The following NPAS3 variants were observed in gnomAD, a reference collection of about 807,000 sequenced individuals.
NPAS3 encodes neuronal PAS domain protein 3, also known as neuronal PAS domain-containing protein 3.
Under a neutral mutation model 73.1 loss-of-function variants are expected in NPAS3, and 14 were observed. The ratio of observed to expected loss-of-function variants is 0.19; its 90% CI spans 0.13 to 0.30. The LOEUF is 0.30. Ranked by LOEUF, NPAS3 falls within the 10% of genes least tolerant of loss-of-function variation. The pLI, the probability that NPAS3 is intolerant of heterozygous loss-of-function variation, is 1.00. For synonymous variants in NPAS3, 620 were observed against 541.5 expected, an observed-to-expected ratio of 1.14 and a Z score of -2.01; for missense variants, 1,096 against 1,250.0, an observed-to-expected ratio of 0.88 and a Z score of 1.86.
chr14:33,339,321 G>A (rs1424447222), intron 3 of NPAS3, among the ~76,000 whole-genome samples: 1 of 152,062 alleles, frequency 6.6e-6, no homozygotes, highest in Non-Finnish European at 1.5e-5. Context: ...TTCTGGGGGT[G>A]ATCTGTTTTA....
At chr14:33,542,738 C>T (rs1003417193) in intron 4 of NPAS3, among the ~76,000 whole-genome samples, 1 of 152,152 alleles carries the variant, frequency 6.6e-6, no homozygotes, top group Non-Finnish European at 1.5e-5. Context: ...CCCGTGTAAA[C>T]AAAGAACTGG....
chr14:33,493,240 A>G (rs1357712855), intron 4 of NPAS3, among the ~76,000 whole-genome samples: 1 of 151,118 alleles, frequency 6.6e-6, no homozygotes, highest in African/African-American at 2.4e-5. Flanking sequence ...TCTCTCACAC[A>G]TTGATAAAAC....
At chr14:33,004,049 A>G (rs1195087994) in intron 1 of NPAS3, among the ~76,000 whole-genome samples, 1 of 152,198 alleles carries the variant, frequency 6.6e-6, no homozygotes, top group Non-Finnish European at 1.5e-5. Flanking sequence ...AATCTGTAAA[A>G]TGGGAGTTAT....
intron 3 of NPAS3, among the ~76,000 whole-genome samples, chr14:33,354,832 C>T (rs7156181): frequency 0.28 from 42,893 of 152,092 alleles, 6,138 homozygotes; most frequent in Middle Eastern, 0.33. Context: ...AATTGAACCC[C>T]TCTCTACGGT....
At chr14:33,437,863 C>A (rs1245206445) in intron 4 of NPAS3, among the ~76,000 whole-genome samples, 1 of 152,162 alleles carries the variant, frequency 6.6e-6, no homozygotes, top group Non-Finnish European at 1.5e-5. Flanking sequence ...GGAGAATTTG[C>A]CAGCCTCTCA....
At chr14:33,131,235 A>T (rs1199105485) in intron 2 of NPAS3, among the ~76,000 whole-genome samples, 1 of 152,172 alleles carries the variant, frequency 6.6e-6, no homozygotes, top group Non-Finnish European at 1.5e-5. Context: ...TGAAACAGTC[A>T]TTAGGTCATC....
chr14:33,186,927 G>T (rs984948374), intron 2 of NPAS3, among the ~76,000 whole-genome samples: 1 of 152,124 alleles, frequency 6.6e-6, no homozygotes, highest in African/African-American at 2.4e-5. Flanking sequence ...AGCCTGGCAT[G>T]CTGCTAAACA....
intron 1 of NPAS3, among the ~76,000 whole-genome samples, chr14:32,983,357 A>G (rs2037975984): frequency 6.6e-6 from 1 of 152,124 alleles, no homozygotes; most frequent in African/African-American, 2.4e-5. Flanking sequence ...TGCATGCTTT[A>G]TATTGATGGA....
At chr14:32,953,337 GT>G (rs1269604576) in intron 1 of NPAS3, among the ~76,000 whole-genome samples, 3 of 152,000 alleles carry the variant, frequency 2.0e-5, no homozygotes, top group African/African-American at 7.2e-5. Context: ...ACTAAGTGTT[GT>G]TTCAAGGATA....
chr14:33,029,108 G>T (rs956700824), intron 1 of NPAS3, among the ~76,000 whole-genome samples: 6 of 152,258 alleles, frequency 3.9e-5, no homozygotes, highest in African/African-American at 1.2e-4. Context: ...GGCCTGGAGT[G>T]GGGGAAGAAC....
chr14:33,774,663 T>G (rs1566526545), intron 8 of NPAS3, 133 bp downstream of exon 8: 2 of 670,014 alleles, frequency 3.0e-6, no homozygotes, highest in Non-Finnish European at 5.1e-6. Context: ...AATGGCCACT[T>G]GGACTGACAC....
chr14:33,373,738 A>G (rs979418891), intron 4 of NPAS3, among the ~76,000 whole-genome samples: 6 of 152,120 alleles, frequency 3.9e-5, no homozygotes, highest in African/African-American at 1.4e-4. Flanking sequence ...TTGACCCCAC[A>G]TTATTTCTGG....
At chr14:33,624,438 T>G (rs1051596111) in intron 5 of NPAS3, among the ~76,000 whole-genome samples, 1 of 152,206 alleles carries the variant, frequency 6.6e-6, no homozygotes, top group Non-Finnish European at 1.5e-5. Context: ...CATAAAATGT[T>G]GTGTTCATCT....
intron 2 of NPAS3, among the ~76,000 whole-genome samples, chr14:33,205,702 G>A (rs2139618193): frequency 6.6e-6 from 1 of 152,270 alleles, no homozygotes; most frequent in Admixed American, 6.5e-5. Flanking sequence ...AAGTATAATG[G>A]TGTGTTCCTT....
intron 4 of NPAS3, among the ~76,000 whole-genome samples, chr14:33,473,673 A>T (rs1244462987): frequency 1.3e-5 from 2 of 152,168 alleles, no homozygotes; most frequent in Non-Finnish European, 2.9e-5. Context: ...GTGTAATGGG[A>T]AGAGAGTTAG....
At chr14:33,223,821 T>C (rs543441063) in intron 3 of NPAS3, among the ~76,000 whole-genome samples, 52 of 147,600 alleles carry the variant, frequency 3.5e-4, no homozygotes, top group African/African-American at 1.3e-3. Flanking sequence ...CTTCTATGTG[T>C]TCAAAAATGT....
chr14:33,308,527 T>TATACAC, intron 3 of NPAS3, among the ~76,000 whole-genome samples: 4,507 of 103,590 alleles, frequency 0.044, 226 homozygotes, highest in Non-Finnish European at 0.063. Flanking sequence ...TATATATATA[T>TATACAC]ACATACACAC....
intron 4 of NPAS3, among the ~76,000 whole-genome samples, chr14:33,483,435 G>T (rs545458766): frequency 6.6e-6 from 1 of 152,074 alleles, no homozygotes; most frequent in Non-Finnish European, 1.5e-5. Flanking sequence ...TTATCTATCC[G>T]GAGCAAGAGA....
intron 9 of NPAS3, among the ~76,000 whole-genome samples, chr14:33,780,232 G>T (rs1247615850): frequency 6.6e-6 from 1 of 152,200 alleles, no homozygotes; most frequent in Non-Finnish European, 1.5e-5. Context: ...GAACACACTT[G>T]TTGCTGAGAA....
Sources: gnomAD v4.1 joint callset for allele counts (sites outside exome capture counted in the v4.1 genomes callset) on GRCh38, gnomAD v4.1.1 for gene constraint, MANE v1.5 for transcripts, NCBI Gene and HGNC (gene_info 2026-07-23, HGNC 2026-07-21) for gene names.